The following TRPM8 variants were observed in gnomAD, a reference collection of about 807,000 sequenced individuals.
The protein encoded by TRPM8 is transient receptor potential cation channel subfamily M member 8, also known as TRPM8 cationic channel.
TRPM8 carries 110 observed loss-of-function variants against 133.7 expected under a neutral mutation model. The observed-to-expected ratio is 0.82, with a 90% CI of 0.70 to 0.96. TRPM8 has a LOEUF of 0.96. Among genes scored for constraint, TRPM8 ranks in the 40% least tolerant of loss-of-function variants. TRPM8 has a pLI of 0.00. For synonymous variants in TRPM8, 535 were observed against 532.3 expected (o/e 1.01, Z -0.07); for missense variants, 1,291 against 1,379.5 (o/e 0.94, Z 1.02).
At chr2:233,945,097 G>A (rs1381951120) in intron 6 of TRPM8, among the ~76,000 whole-genome samples, 1 of 151,946 alleles carries the variant, frequency 6.6e-6, no homozygotes, top group Non-Finnish European at 1.5e-5. Context: ...TTTTCCTTCT[G>A]TTCTCCTTGA....
intron 2 of TRPM8, 71 bp downstream of exon 2, chr2:233,926,725 G>T: frequency 8.5e-7 from 1 of 1,176,606 alleles, no homozygotes. Context: ...TCCTGCATTT[G>T]CACATTGACT....
intron 2 of TRPM8, among the ~76,000 whole-genome samples, chr2:233,927,971 T>C (rs1245618586): frequency 8.5e-6 from 1 of 117,648 alleles, no homozygotes; most frequent in Non-Finnish European, 1.6e-5. Flanking sequence ...TTTCTTTCTT[T>C]CTTTCTTTTT....
intron 17 of TRPM8, among the ~76,000 whole-genome samples, chr2:233,971,982 T>C (rs1487848745): frequency 1.3e-5 from 2 of 152,148 alleles, no homozygotes; most frequent in Non-Finnish European, 2.9e-5. Context: ...ATCCCTGAGC[T>C]AGACACCAAG....
At chr2:233,948,559 T>G (rs1691098398) in intron 8 of TRPM8, among the ~76,000 whole-genome samples, 1 of 152,236 alleles carries the variant, frequency 6.6e-6, no homozygotes, top group African/African-American at 2.4e-5. Flanking sequence ...ATTTATTATC[T>G]TACCAGATCA....
intron 15 of TRPM8, among the ~76,000 whole-genome samples, chr2:233,968,542 G>A (rs1691631307): frequency 2.0e-5 from 3 of 152,142 alleles, no homozygotes; most frequent in South Asian, 4.1e-4. Context: ...GGTCAAGCAC[G>A]CACCTGGCTG....
At chr2:233,926,039 C>T (rs1691507445) in intron 1 of TRPM8, among the ~76,000 whole-genome samples, 1 of 152,174 alleles carries the variant, frequency 6.6e-6, no homozygotes, top group Non-Finnish European at 1.5e-5. Flanking sequence ...CCAAGCCCTA[C>T]CCACCACCCT....
At chr2:233,931,795 C>A (rs767393132) in intron 3 of TRPM8, among the ~76,000 whole-genome samples, 7 of 152,238 alleles carry the variant, frequency 4.6e-5, no homozygotes, top group Non-Finnish European at 7.3e-5. Flanking sequence ...GTCATTCTGA[C>A]AAAGTGTAAG....
In TRPM8 at chr2:233,955,132, C is replaced by A. The variant is rs1057409985; in HGVS notation, c.1244C>A (p.Ala415Asp). Residue 415 changes from alanine (A) to aspartate (D), a missense_variant and splice_region_variant, in exon 11 of 26, where the codon GCC becomes GAC. Physicochemically the swap from Ala to Asp is moderately radical, Grantham distance 126 (BLOSUM62 -2). Transcript: ENST00000324695. Reference sequence around the variant, plus strand: ...TGAGTCTTTTCCTGCCCTCTCACAGCCTTCAGCACCAGTGAGCAAGACAAG... The same window carrying A: ...TGAGTCTTTTCCTGCCCTCTCACAGACTTCAGCACCAGTGAGCAAGACAAG... ...SNAISYALYK[A>D]FSTSEQDKDN... The A allele has an allele frequency of 3.7e-6, 6 of 1,611,672 alleles. No individual in the cohort carries two copies. Among genetic ancestry groups the A allele is most frequent in the Admixed American group, 1.7e-5 (1 of 59,962 alleles).
At chr2:233,970,147 G>C (rs186293560) in intron 16 of TRPM8, 63 bp from the exon 17 acceptor site, 2 of 1,417,758 alleles carry the variant, frequency 1.4e-6, no homozygotes, top group Non-Finnish European at 1.0e-6. Context: ...TTGGAAGGAG[G>C]GGAGGGCTGT....
intron 24 of TRPM8, chr2:234,013,093 T>C (rs1486134735): frequency 6.6e-6 from 1 of 152,170 alleles, no homozygotes; most frequent in Non-Finnish European, 1.5e-5. Context: ...TCTTTTCTTG[T>C]GTTATCTTTT....
At chr2:233,927,574 G>A (rs1018748867) in intron 2 of TRPM8, among the ~76,000 whole-genome samples, 1 of 152,138 alleles carries the variant, frequency 6.6e-6, no homozygotes, top group Non-Finnish European at 1.5e-5. Context: ...AGTGGGCCAA[G>A]GGTGGTGGTA....
intron 21 of TRPM8, among the ~76,000 whole-genome samples, chr2:233,993,463 T>C (rs1164197665): frequency 6.6e-6 from 1 of 152,196 alleles, no homozygotes; most frequent in African/African-American, 2.4e-5. Flanking sequence ...AAGGGCCAGC[T>C]AGGGTCATTG....
chr2:233,927,794 TC>T (rs1559516242), intron 2 of TRPM8, among the ~76,000 whole-genome samples: 2 of 44,166 alleles, frequency 4.5e-5, no homozygotes, highest in Non-Finnish European at 6.8e-5. Context: ...TTCTTTCTTT[TC>T]TTTCCTTCCT....
At chr2:233,970,177 G>C (rs1254287531) in intron 16 of TRPM8, 33 bp from the exon 17 acceptor site, 5 of 1,593,666 alleles carry the variant, frequency 3.1e-6, no homozygotes, top group Non-Finnish European at 4.3e-6. Flanking sequence ...ATGCTTGCAA[G>C]GATGCTGACG....
intron 1 of TRPM8, among the ~76,000 whole-genome samples, chr2:233,918,565 T>C (rs1483954833): frequency 6.6e-6 from 1 of 152,100 alleles, no homozygotes; most frequent in Admixed American, 6.5e-5. Flanking sequence ...TGTTTCTCAC[T>C]TCTACTTTTT....
chr2:233,927,932 C>CTCTCTT (rs1691595574), intron 2 of TRPM8, among the ~76,000 whole-genome samples: 1 of 47,878 alleles, frequency 2.1e-5, no homozygotes, highest in Non-Finnish European at 3.4e-5. Flanking sequence ...CTTTCTCTCT[C>CTCTCTT]TCTCTCTCTC....
intron 5 of TRPM8, among the ~76,000 whole-genome samples, chr2:233,942,079 TTTTTTTTTTTTTC>T (rs1690919670): frequency 2.8e-5 from 4 of 142,422 alleles, no homozygotes; most frequent in East Asian, 4.1e-4. Flanking sequence ...ATCTTTTTTT[TTTTTTTTTTTTTC>T]TTTTTGAGAT....
At chr2:233,927,884 TTC>T (rs1691587198) in intron 2 of TRPM8, among the ~76,000 whole-genome samples, 1 of 70,844 alleles carries the variant, frequency 1.4e-5, no homozygotes, top group Non-Finnish European at 2.3e-5. Flanking sequence ...CTTTCTTTCT[TTC>T]TTTCTTTCTT....
intron 6 of TRPM8, among the ~76,000 whole-genome samples, chr2:233,944,135 G>A (rs924293483): frequency 2.0e-5 from 3 of 152,080 alleles, no homozygotes; most frequent in Non-Finnish European, 4.4e-5. Context: ...GTATTGTTAT[G>A]GGACTGATTT....
Sources: gnomAD v4.1 joint callset for allele counts (sites outside exome capture counted in the v4.1 genomes callset) on GRCh38, gnomAD v4.1.1 for gene constraint, MANE v1.5 for transcripts, NCBI Gene and HGNC (gene_info 2026-07-23, HGNC 2026-07-21) for gene names.